The following CILK1 variants were observed in gnomAD, a reference collection of about 807,000 sequenced individuals.
CILK1 encodes serine/threonine-protein kinase ICK.
CILK1 carries 47 observed loss-of-function variants against 79.2 expected under a neutral mutation model. The observed-to-expected ratio is 0.59, with a 90% CI of 0.47 to 0.76. The LOEUF is 0.76. CILK1 is among the 30% of genes least tolerant of loss of function. The pLI is 0.00. For missense variants in CILK1, 660 were observed against 769.5 expected, an observed-to-expected ratio of 0.86 and a Z score of 1.68; for synonymous variants, 266 against 275.9, an observed-to-expected ratio of 0.96 and a Z score of 0.36.
chr6:53,028,078 C>T (rs1412345269), intron 5 of CILK1, among the ~76,000 whole-genome samples: 9 of 146,388 alleles, frequency 6.1e-5, no homozygotes, highest in East Asian at 2.0e-4. Context: ...ACCTGGGAGG[C>T]GGAACTTGCA....
At chr6:53,031,022 C>CA in intron 5 of CILK1, 43 bp downstream of exon 5, 1 of 1,316,484 alleles carries the variant, frequency 7.6e-7, no homozygotes, top group South Asian at 1.2e-5. Flanking sequence ...TTGATAACAA[C>CA]ATTTCACTGC....
chr6:53,021,977 G>A (rs1178214304), intron 5 of CILK1, among the ~76,000 whole-genome samples: 1 of 151,882 alleles, frequency 6.6e-6, no homozygotes, highest in African/African-American at 2.4e-5. Flanking sequence ...CCCTGTGTAG[G>A]CCTAGGCTAA....
chr6:53,014,514 G>T (rs1764781241), intron 8 of CILK1, among the ~76,000 whole-genome samples: 1 of 152,172 alleles, frequency 6.6e-6, no homozygotes, highest in South Asian at 2.1e-4. Context: ...AGTTGTTCTG[G>T]ATAACTGAGT....
At chr6:53,011,621 T>C in intron 11 of CILK1, 148 bp downstream of exon 11, 1 of 858,362 alleles carries the variant, frequency 1.2e-6, no homozygotes, top group Non-Finnish European at 2.0e-6. Flanking sequence ...AGGCTTGGGC[T>C]TCAGCAAATA....
chr6:53,060,275 T>A (rs1423597961), intron 1 of CILK1, among the ~76,000 whole-genome samples: 1 of 152,168 alleles, frequency 6.6e-6, no homozygotes, highest in East Asian at 1.9e-4. Context: ...CTTTTCTTTG[T>A]GATTAAATGC....
chr6:53,046,013 A>AACCGCCTGCCCAGTGACACATG lies in CILK1; in HGVS notation c.-172-4606_-172-4605insCATGTGTCACTGGGCAGGCGGT, dbSNP rs1199231575. Among the ~76,000 whole-genome samples the AACCGCCTGCCCAGTGACACATG allele has an allele frequency of 5.9e-5, 9 of 152,340 alleles. 1 individual carries two copies. The South Asian group carries it at 1.9e-3, about 32-fold the overall frequency. ...CTTCATGTCCAACCAAAACTTGCAT[A>AACCGCCTGCCCAGTGACACATG]TTCTAACTTAAGCAAATTTCTTCTG... On this transcript the variant is annotated intron_variant, in intron 1 of 13. Coordinates refer to ENST00000676107, the MANE Select transcript of CILK1 (RefSeq NM_014920.5).
intron 5 of CILK1, among the ~76,000 whole-genome samples, chr6:53,030,246 G>A (rs1765846803): frequency 6.6e-6 from 1 of 152,146 alleles, no homozygotes; most frequent in Non-Finnish European, 1.5e-5. Flanking sequence ...CTCTGATTAG[G>A]TGATGTAATT....
rs773152676 is a variant in CILK1 at position 53,018,411 on chromosome 6, G to A, written c.582C>T (p.Tyr194=). 2.5e-6 allele frequency: 4 copies of A among 1,614,196 alleles called. No homozygotes were observed. In the South Asian group the frequency reaches 3.3e-5, roughly 13 times the overall value. The stretch of plus-strand genomic sequence containing the variant: ...CTCCAGGGAAGAGTGGCCTGAGGGT[G>A]TAAACTTCTGCCATGATGCAGCCCA... The part of the protein sequence containing the change: ...WAVGCIMAEV[Y]TLRPLFPGAS... Residue 194 remains tyrosine (Y), a synonymous_variant, in exon 7 of 14, where the codon TAC becomes TAT. Transcript: ENST00000676107.
chr6:53,037,027 T>C (rs969321093), intron 3 of CILK1, among the ~76,000 whole-genome samples: 1 of 152,198 alleles, frequency 6.6e-6, no homozygotes, highest in Non-Finnish European at 1.5e-5. Flanking sequence ...CAGAAAACGT[T>C]TGCTGATCCC....
intron 8 of CILK1, 44 bp downstream of exon 8, chr6:53,016,039 T>G (rs752825425): frequency 6.3e-7 from 1 of 1,583,174 alleles, no homozygotes; most frequent in Non-Finnish European, 8.7e-7. Flanking sequence ...TAGAAATTAT[T>G]CAGAGTTAGA....
chr6:53,028,664 G>A (rs1207368215), intron 5 of CILK1, among the ~76,000 whole-genome samples: 1 of 152,216 alleles, frequency 6.6e-6, no homozygotes, highest in Non-Finnish European at 1.5e-5. Flanking sequence ...TGGTGTTGAG[G>A]CTATAAAAGC....
chr6:53,051,974 A>G (rs1767513761), intron 1 of CILK1: 1 of 152,174 alleles, frequency 6.6e-6, no homozygotes. Context: ...CAGAATGTGC[A>G]GGTTTGTTAC....
chr6:53,061,423 A>G (rs1356915423), intron 1 of CILK1, among the ~76,000 whole-genome samples, 173 bp downstream of exon 1: 1 of 152,240 alleles, frequency 6.6e-6, no homozygotes, highest in African/African-American at 2.4e-5. Flanking sequence ...TTTTCATACC[A>G]GGAAGGAGAG....
chr6:53,011,811 C>T lies in CILK1; in HGVS notation c.1450G>A (p.Ala484Thr). The part of the protein sequence containing the change: ...QRRDTPTLRS[A>T]AKQHYLKHSR... ...TGCTTCAAATAGTGCTGCTTGGCTG[C>T]AGATCTCAGGGTGGGCGTGTCTCGC... is the stretch of plus-strand genomic sequence containing the variant. Residue 484 changes from alanine to threonine, a missense_variant, in exon 11 of 14, where the codon GCA becomes ACA. Transcript: ENST00000676107. The T allele has an allele frequency of 6.2e-7, 1 of 1,614,096 alleles. No individual in the cohort carries two copies. Among genetic ancestry groups the T allele is most frequent in the African/African-American group, 1.3e-5 (1 of 75,020 alleles).
chr6:53,048,907 GGAA>G (rs1183370987), intron 1 of CILK1, among the ~76,000 whole-genome samples: 2 of 152,136 alleles, frequency 1.3e-5, no homozygotes, highest in African/African-American at 4.8e-5. Context: ...GAGCTGGTGA[GGAA>G]GAAGAGCTTC....
At chr6:53,043,027 A>T (rs1766814603) in intron 1 of CILK1, among the ~76,000 whole-genome samples, 1 of 152,176 alleles carries the variant, frequency 6.6e-6, no homozygotes, top group Non-Finnish European at 1.5e-5. Context: ...TTAAAAATTT[A>T]AAAATAGGCC....
rs536181867 is a variant in CILK1, at chr6:53,058,119, T to C, written c.-173+3477A>G. 5.9e-5 allele frequency among the ~76,000 whole-genome samples: 9 copies of C among 152,308 alleles called. 1 individual carries two copies. The South Asian group carries it at 1.9e-3, about 32-fold the overall frequency. ...GAGTCAGGTACTTAATGTGCAAAGA[T>C]AGTTCAGTTTCCTTGGAAGAAAATC... On this transcript the variant is annotated intron_variant, in intron 1 of 13. Coordinates refer to ENST00000676107, the MANE Select transcript of CILK1 (RefSeq NM_014920.5).
At chr6:53,009,787 A>G (rs1364945316) in intron 11 of CILK1, among the ~76,000 whole-genome samples, 2 of 152,130 alleles carry the variant, frequency 1.3e-5, no homozygotes, top group African/African-American at 2.4e-5. Context: ...CTAAGATCCA[A>G]TGGATCTGTC....
intron 12 of CILK1, among the ~76,000 whole-genome samples, chr6:53,007,690 G>A (rs2127401222): frequency 6.6e-6 from 1 of 152,092 alleles, no homozygotes; most frequent in South Asian, 2.1e-4. Context: ...AGCACAATGG[G>A]AGACCCAGGC....
Sources: gnomAD v4.1 joint callset for allele counts (sites outside exome capture counted in the v4.1 genomes callset) on GRCh38, gnomAD v4.1.1 for gene constraint, MANE v1.5 for transcripts, NCBI Gene and HGNC (gene_info 2026-07-23, HGNC 2026-07-21) for gene names.